The following YIPF6 variants were observed in gnomAD, a reference collection of about 807,000 sequenced individuals.
The protein encoded by YIPF6 is protein YIPF6.
YIPF6 carries 3 observed loss-of-function variants against 16.8 expected under a neutral mutation model. The observed-to-expected ratio is 0.18, with a 90% confidence interval of 0.08 to 0.46. The LOEUF is 0.46. Among genes scored for constraint, YIPF6 ranks in the 20% least tolerant of loss-of-function variants. The pLI is 0.98. For missense variants in YIPF6, 145 were observed against 184.9 expected, an observed-to-expected ratio of 0.78 and a Z score of 1.25; for synonymous variants, 67 against 61.9, an observed-to-expected ratio of 1.08 and a Z score of -0.38.
intron 3 of YIPF6, chrX:68,513,705 A>C (rs934134379): frequency 5.7e-5 from 7 of 122,668 alleles, no homozygotes; most frequent in Non-Finnish European, 8.1e-5. Context: ...TTCATGCCTC[A>C]GCCTCCTGAG....
At position 68,531,686 on chromosome X, in the gene YIPF6, AGTCCTC is replaced by A. The variant is rs1414371349; in HGVS notation, c.593-193_593-188del. Among the ~76,000 whole-genome samples the A allele has an allele frequency of 5.3e-5, 6 of 112,202 alleles. No homozygotes were observed. In the Admixed American group the frequency reaches 5.7e-4, roughly 11 times the overall value. On this transcript the variant is annotated intron_variant, in intron 6 of 6. Transcript: ENST00000462683. ...CCAAAATGGTTTAGTACTTGAAATA[AGTCCTC>A]GGCCTCGGCTCTCTGAAAAACTATG...
At chrX:68,499,910 G>T (rs888493223) in intron 1 of YIPF6, among the ~76,000 whole-genome samples, 5 of 112,479 alleles carry the variant, frequency 4.4e-5, no homozygotes, top group African/African-American at 1.6e-4. Context: ...AAAGTGTTGG[G>T]ATTACAGGCG....
chrX:68,502,730 A>C (rs1248761481), intron 1 of YIPF6, among the ~76,000 whole-genome samples: 2 of 111,003 alleles, frequency 1.8e-5, no homozygotes, highest in Non-Finnish European at 1.9e-5. Context: ...TTGATTTAGG[A>C]GTCATCTGCA....
chrX:68,532,027 G>A lies in YIPF6; in HGVS notation c.*28G>A. 1 of 1,069,659 alleles carries A rather than the reference G, an allele frequency of 9.3e-7. No homozygotes were observed. The highest frequency in any genetic ancestry group is 1.3e-6 in the Non-Finnish European group (1 of 772,265). The allele number at this position is 1,069,659 out of a possible 1,213,427, so 88.2% of individuals were successfully genotyped here. A position where few individuals can be genotyped will look rare whatever the true frequency, so the allele number is the denominator to read the frequency against. ...CAGGAATGGGAAATTAAAAACCAGT[G>A]AATTGAAAGCACATCTGAAAGATGC... On this transcript the variant is annotated 3_prime_UTR_variant, in exon 7 of 7. Coordinates refer to ENST00000462683, the MANE Select transcript of YIPF6 (RefSeq NM_173834.4).
chrX:68,505,886 T>C (rs1044985638), intron 1 of YIPF6, among the ~76,000 whole-genome samples: 8 of 111,951 alleles, frequency 7.1e-5, no homozygotes, highest in Admixed American at 2.9e-4. Context: ...CATAGTACAC[T>C]GATAAGAACC....
intron 1 of YIPF6, among the ~76,000 whole-genome samples, chrX:68,500,381 T>C (rs2079036628): frequency 9.1e-6 from 1 of 110,479 alleles, no homozygotes; most frequent in South Asian, 3.9e-4. Context: ...AATGGCACAA[T>C]CTCAGCTCAC....
intron 6 of YIPF6, among the ~76,000 whole-genome samples, chrX:68,523,185 C>T (rs2079134025): frequency 9.1e-6 from 1 of 110,031 alleles, no homozygotes; most frequent in Non-Finnish European, 1.9e-5. Flanking sequence ...TACATTTAGC[C>T]TAGTCCTGGT....
At chrX:68,505,001 A>G (rs963275128) in intron 1 of YIPF6, among the ~76,000 whole-genome samples, 3 of 111,690 alleles carry the variant, frequency 2.7e-5, no homozygotes, top group African/African-American at 3.3e-5. Flanking sequence ...TTTTTTTCCT[A>G]CTGTACTACA....
chrX:68,516,579 G>A (rs770858398), intron 3 of YIPF6, among the ~76,000 whole-genome samples: 12 of 111,575 alleles, frequency 1.1e-4, no homozygotes, highest in Non-Finnish European at 2.1e-4. Flanking sequence ...GTAGGATTAT[G>A]GTTTTTTATG....
intron 4 of YIPF6, among the ~76,000 whole-genome samples, chrX:68,520,210 C>G (rs1014778445): frequency 8.9e-6 from 1 of 112,309 alleles, no homozygotes; most frequent in African/African-American, 3.2e-5. Context: ...CATAGCAGGG[C>G]AAGAAAGACT....
chrX:68,512,006 G>A, intron 2 of YIPF6, 29 bp downstream of exon 2: 2 of 1,180,287 alleles, frequency 1.7e-6, no homozygotes, highest in South Asian at 1.9e-5. Flanking sequence ...GAGAACTTCT[G>A]TTCAGTATCA....
intron 5 of YIPF6, 40 bp from the exon 6 acceptor site, chrX:68,522,720 G>A: frequency 8.7e-7 from 1 of 1,153,227 alleles, no homozygotes; most frequent in Non-Finnish European, 1.2e-6. Context: ...ACACCCATCA[G>A]TTGTATTTAT....
chrX:68,519,883 A>G (rs188517159), intron 4 of YIPF6, among the ~76,000 whole-genome samples: 23 of 112,205 alleles, frequency 2.0e-4, no homozygotes, highest in African/African-American at 7.1e-4. Flanking sequence ...GGTTTATATT[A>G]GATGTCCCGA....
intron 6 of YIPF6, among the ~76,000 whole-genome samples, chrX:68,523,177 C>A (rs771393099): frequency 9.1e-6 from 1 of 109,398 alleles, no homozygotes; most frequent in Non-Finnish European, 1.9e-5. Context: ...GATTACACTA[C>A]ATTTAGCCTA....
intron 1 of YIPF6, among the ~76,000 whole-genome samples, chrX:68,507,890 C>G (rs2079066017): frequency 9.0e-6 from 1 of 111,046 alleles, no homozygotes; most frequent in South Asian, 3.8e-4. Context: ...AGGCGTGAGC[C>G]ACCATGCCGG....
intron 1 of YIPF6, among the ~76,000 whole-genome samples, chrX:68,502,614 A>G (rs780053558): frequency 9.0e-6 from 1 of 111,060 alleles, no homozygotes; most frequent in East Asian, 2.8e-4. Flanking sequence ...TCAGTTTGGG[A>G]CATGTTTAGT....
rs1024737787 is a variant in YIPF6 at position 68,503,124 on chromosome X, A to G, written c.57+4001A>G. 1.2e-4 allele frequency among the ~76,000 whole-genome samples: 13 copies of G among 111,725 alleles called. 1 individual carries two copies. Among genetic ancestry groups the G allele is most frequent in the African/African-American group, 4.2e-4 (13 of 30,761 alleles). ...CCCCAGGTGAAGGGGCTGGCTGGAG[A>G]CCATGCCACTGGCTACCCCGTCATC... On this transcript the variant is annotated intron_variant, in intron 1 of 6. Coordinates refer to ENST00000462683, the MANE Select transcript of YIPF6 (RefSeq NM_173834.4).
intron 1 of YIPF6, among the ~76,000 whole-genome samples, chrX:68,502,306 C>T (rs1267245646): frequency 3.6e-5 from 4 of 111,698 alleles, no homozygotes; most frequent in East Asian, 2.8e-4. Flanking sequence ...GCAGAATCCA[C>T]GAGGGTTTGT....
chrX:68,526,791 T>A (rs1296787324), intron 6 of YIPF6, among the ~76,000 whole-genome samples: 1 of 112,255 alleles, frequency 8.9e-6, no homozygotes, highest in Non-Finnish European at 1.9e-5. Flanking sequence ...GATTTGCATA[T>A]GTTGAACCAA....
Sources: gnomAD v4.1 joint callset for allele counts (sites outside exome capture counted in the v4.1 genomes callset) on GRCh38, gnomAD v4.1.1 for gene constraint, MANE v1.5 for transcripts, NCBI Gene and HGNC (gene_info 2026-07-23, HGNC 2026-07-21) for gene names.